The following SLCO1C1 variants were observed in gnomAD, a reference collection of about 807,000 sequenced individuals.
SLCO1C1 encodes solute carrier organic anion transporter family member 1C1, also known as OAT-RP-5.
In SLCO1C1, 70 loss-of-function variants were observed where a neutral mutation model predicts 76.4. The ratio of observed to expected loss-of-function variants is 0.92; its 90% CI spans 0.76 to 1.12. SLCO1C1 has a LOEUF of 1.12. Among genes scored for constraint, SLCO1C1 ranks in the 50% most tolerant of loss-of-function variants. The pLI, the probability that SLCO1C1 is intolerant of heterozygous loss-of-function variation, is 0.00. For synonymous variants in SLCO1C1, 306 were observed against 286.1 expected, an observed-to-expected ratio of 1.07 and a Z score of -0.70; for missense variants, 912 against 823.8, an observed-to-expected ratio of 1.11 and a Z score of -1.31.
intron 3 of SLCO1C1, among the ~76,000 whole-genome samples, chr12:20,702,695 A>C (rs1946579717): frequency 1.3e-5 from 2 of 151,800 alleles, no homozygotes; most frequent in African/African-American, 2.4e-5. Flanking sequence ...CCCTGCACTG[A>C]GTGAAGGGCC....
intron 8 of SLCO1C1, among the ~76,000 whole-genome samples, chr12:20,722,404 T>C (rs999440143): frequency 6.6e-6 from 1 of 152,234 alleles, no homozygotes; most frequent in African/African-American, 2.4e-5. Flanking sequence ...ATCTATTCAT[T>C]TGAGAGATGT....
chr12:20,746,232 T>C (rs2120916514), intron 13 of SLCO1C1, among the ~76,000 whole-genome samples: 1 of 152,194 alleles, frequency 6.6e-6, no homozygotes, highest in East Asian at 1.9e-4. Context: ...GTAGTAACAA[T>C]AATGGCTGCA....
At chr12:20,702,298 T>C (rs527432329) in intron 3 of SLCO1C1, among the ~76,000 whole-genome samples, 37 of 152,000 alleles carry the variant, frequency 2.4e-4, no homozygotes, top group African/African-American at 8.4e-4. Context: ...AATTTATTTC[T>C]TTTCATACAT....
intron 8 of SLCO1C1, among the ~76,000 whole-genome samples, chr12:20,722,814 G>C (rs1175438197): frequency 1.3e-5 from 2 of 152,178 alleles, no homozygotes; most frequent in Non-Finnish European, 2.9e-5. Context: ...ACATCAGTTA[G>C]AGGAATCTGT....
At position 20,717,230 on chromosome 12, in the gene SLCO1C1, G is replaced by C. The variant is rs767085573; in HGVS notation, c.775G>C (p.Asp259His). The change falls in exon 7 of 15, where the codon GAT becomes CAT. Residue 259 changes from aspartate (D) to histidine (H), a missense_variant and splice_region_variant. Coordinates refer to ENST00000266509, the MANE Select transcript of SLCO1C1 (RefSeq NM_017435.5). ...TGTTGACATTGGCTTTGTAAACCTAGGTAAGGAAGTTTATTTTTTATTTAT... is the reference window on the plus strand; with the variant it reads ...TGTTGACATTGGCTTTGTAAACCTACGTAAGGAAGTTTATTTTTTATTTAT... ...LYVDIGFVNLDHITITPKDPQ... is the reference protein window; with the variant it reads ...LYVDIGFVNLHHITITPKDPQ... 1.3e-6 allele frequency: 2 copies of C among 1,575,578 alleles called. No individual in the cohort carries two copies. Among genetic ancestry groups the C allele is most frequent in the East Asian group, 4.6e-5 (2 of 43,302 alleles).
At chr12:20,707,023 C>T (rs1479262291) in intron 4 of SLCO1C1, among the ~76,000 whole-genome samples, 1 of 148,454 alleles carries the variant, frequency 6.7e-6, no homozygotes, top group Admixed American at 6.7e-5. Context: ...TCTTGAATTT[C>T]TAGACCACTT....
chr12:20,697,033 T>G (rs1229957786), intron 1 of SLCO1C1: 1 of 152,022 alleles, frequency 6.6e-6, no homozygotes, highest in African/African-American at 2.4e-5. Flanking sequence ...TGTCAACACC[T>G]CCATATATTA....
At chr12:20,704,101 A>T (rs1946663968) in intron 3 of SLCO1C1, among the ~76,000 whole-genome samples, 2 of 151,520 alleles carry the variant, frequency 1.3e-5, no homozygotes, top group Admixed American at 1.3e-4. Flanking sequence ...ATGATGGTAG[A>T]TATGGAATAA....
intron 2 of SLCO1C1, 147 bp from the exon 3 acceptor site, chr12:20,701,171 G>A: frequency 1.3e-6 from 1 of 745,260 alleles, no homozygotes; most frequent in Non-Finnish European, 1.9e-6. Flanking sequence ...ACCTCGAACA[G>A]TGTTTGAATT....
rs1399939 is a variant in SLCO1C1, at chr12:20,733,251, C to G, written c.1382+147C>G. On this transcript the variant is annotated intron_variant, in intron 10 of 14. Transcript: ENST00000266509. ...TTTATTGTGGAATAACTGACAATAC[C>G]TAGAATCTGTTATTGTCACCAAAAT... The G allele has an allele frequency of 4.4e-6, 3 of 674,914 alleles. No individual in the cohort carries two copies. The African/African-American group carries it at 5.6e-5, about 13-fold the overall frequency. 41.8% of individuals were successfully genotyped at this position (674,914 alleles called of 1,614,324 possible).
At chr12:20,698,820 A>AC (rs1946385926) in intron 1 of SLCO1C1, among the ~76,000 whole-genome samples, 1 of 152,064 alleles carries the variant, frequency 6.6e-6, no homozygotes, top group African/African-American at 2.4e-5. Flanking sequence ...AAGTAGGGGC[A>AC]CAGGATATGT....
At chr12:20,748,483 A>T (rs2120929331) in intron 13 of SLCO1C1, among the ~76,000 whole-genome samples, 1 of 152,312 alleles carries the variant, frequency 6.6e-6, no homozygotes. Flanking sequence ...GTCCTATATA[A>T]CCACAATACC....
intron 12 of SLCO1C1, among the ~76,000 whole-genome samples, chr12:20,740,847 T>C (rs1948786114): frequency 7.8e-6 from 1 of 128,906 alleles, no homozygotes; most frequent in Non-Finnish European, 1.6e-5. Context: ...TTGCCATGAC[T>C]GGAATTGTCT....
At position 20,724,469 on chromosome 12, in the gene SLCO1C1, G is replaced by GTA. The variant is rs1236241390; in HGVS notation, c.1186+1216_1186+1217insAT. Among the ~76,000 whole-genome samples, 565 of 144,972 alleles carry GTA rather than the reference G, an allele frequency of 3.9e-3. 10 individuals carry two copies. The highest frequency in any genetic ancestry group is 5.1e-3 in the Non-Finnish European group (340 of 66,254). ...TATATATATGTGTGTGTGTGTGTGT[G>GTA]TGTGTGTGTCACATCCAGCATCCAG... On this transcript the variant is annotated intron_variant, in intron 9 of 14. Coordinates refer to ENST00000266509, the MANE Select transcript of SLCO1C1 (RefSeq NM_017435.5).
At chr12:20,740,816 T>TATATATATATAC (rs1565541847) in intron 12 of SLCO1C1, among the ~76,000 whole-genome samples, 1 of 133,132 alleles carries the variant, frequency 7.5e-6, no homozygotes, top group Non-Finnish European at 1.6e-5. Context: ...TATATATATA[T>TATATATATATAC]ATGGCTTTAT....
rs1035141705 is a variant in SLCO1C1 at position 20,732,780 on chromosome 12, A to G, written c.1187-129A>G. 5.5e-6 allele frequency: 5 copies of G among 910,556 alleles called. No individual in the cohort carries two copies. The Admixed American group carries it at 7.5e-5, about 14-fold the overall frequency. 56.4% of individuals were successfully genotyped at this position (910,556 alleles called of 1,614,324 possible). ...TAGATACTCATCATACACTCTTTGT[A>G]TATGTCAGTAGATGATAGTGACTAT... On this transcript the variant is annotated intron_variant, in intron 9 of 14. Transcript: ENST00000266509.
At chr12:20,750,945 ATAT>A (rs1415225599) in intron 14 of SLCO1C1, 153 bp downstream of exon 14, 6 of 1,377,688 alleles carry the variant, frequency 4.4e-6, no homozygotes, top group African/African-American at 1.4e-5. Context: ...TAGAATAATT[ATAT>A]TATTATTTGA....
At chr12:20,708,502 G>A (rs1946898697) in intron 4 of SLCO1C1, among the ~76,000 whole-genome samples, 1 of 152,110 alleles carries the variant, frequency 6.6e-6, no homozygotes, top group African/African-American at 2.4e-5. Flanking sequence ...GTGGTGGGTT[G>A]GGGGTGGTTG....
At chr12:20,703,967 G>GTGTT (rs1946651679) in intron 3 of SLCO1C1, among the ~76,000 whole-genome samples, 2 of 144,504 alleles carry the variant, frequency 1.4e-5, no homozygotes, top group Admixed American at 7.2e-5. Flanking sequence ...GTGTGTGTGT[G>GTGTT]TGTGTGTGTG....
Sources: allele counts gnomAD v4.1 joint callset (sites outside exome capture counted in the v4.1 genomes callset), GRCh38; gene constraint gnomAD v4.1.1; transcripts MANE v1.5; gene names NCBI Gene and HGNC (gene_info 2026-07-23, HGNC 2026-07-21).